NPAS3: variants seen among roughly 807,000 people sequenced by gnomAD.
NPAS3 encodes neuronal PAS domain-containing protein 3.
A neutral mutation model predicts 73.1 loss-of-function variants in NPAS3; 14 were observed. The ratio of observed to expected loss-of-function variants is 0.19; its 90% CI spans 0.13 to 0.30. The LOEUF is 0.30. Ranked by LOEUF, NPAS3 falls within the 10% of genes least tolerant of loss-of-function variation. NPAS3 has a pLI of 1.00. For synonymous variants in NPAS3, 620 were observed against 541.5 expected, an observed-to-expected ratio of 1.14 and a Z score of -2.01; for missense variants, 1,096 against 1,250.0, an observed-to-expected ratio of 0.88 and a Z score of 1.86.
chr14:33,175,640 T>G (rs1377488569), intron 2 of NPAS3, among the ~76,000 whole-genome samples: 1 of 152,206 alleles, frequency 6.6e-6, no homozygotes, highest in South Asian at 2.1e-4. Context: ...CAATACATGC[T>G]GGTATGTTCA....
intron 4 of NPAS3, among the ~76,000 whole-genome samples, chr14:33,434,876 C>G (rs375505100): frequency 6.6e-6 from 1 of 152,104 alleles, no homozygotes; most frequent in Non-Finnish European, 1.5e-5. Flanking sequence ...GCTAGACTTG[C>G]ACTGGGAGGA....
At chr14:33,473,090 A>G (rs370835256) in intron 4 of NPAS3, among the ~76,000 whole-genome samples, 4 of 152,286 alleles carry the variant, frequency 2.6e-5, no homozygotes, top group Middle Eastern at 3.4e-3. Flanking sequence ...TTCGCAGAGT[A>G]AAAGAGAGAT....
chr14:33,636,637 C>T (rs1466637756), intron 5 of NPAS3, among the ~76,000 whole-genome samples: 1 of 152,150 alleles, frequency 6.6e-6, no homozygotes, highest in Non-Finnish European at 1.5e-5. Flanking sequence ...TGCCAGAAAT[C>T]ATAAAGCATG....
At chr14:33,248,387 T>C (rs1441610658) in intron 3 of NPAS3, among the ~76,000 whole-genome samples, 2 of 152,240 alleles carry the variant, frequency 1.3e-5, no homozygotes, top group African/African-American at 4.8e-5. Context: ...AGCAGAGAGA[T>C]TTAAAATTGA....
chr14:33,797,330 T>G (rs886723718), intron 10 of NPAS3, 127 bp from the exon 11 acceptor site: 2 of 1,033,210 alleles, frequency 1.9e-6, no homozygotes, highest in Admixed American at 4.9e-5. Flanking sequence ...GAGAAATGAT[T>G]TCATGTTTAG....
At chr14:33,349,988 A>G (rs2044955405) in intron 3 of NPAS3, among the ~76,000 whole-genome samples, 1 of 152,260 alleles carries the variant, frequency 6.6e-6, no homozygotes, top group South Asian at 2.1e-4. Flanking sequence ...GCTGGAGAGC[A>G]CGAAGCCAGT....
chr14:33,220,979 A>T (rs2047402400), intron 3 of NPAS3, among the ~76,000 whole-genome samples: 1 of 152,176 alleles, frequency 6.6e-6, no homozygotes, highest in South Asian at 2.1e-4. Context: ...CAATCACAAC[A>T]TCTAAGTGGC....
chr14:33,033,459 A>G (rs2040064013), intron 1 of NPAS3, among the ~76,000 whole-genome samples: 1 of 152,144 alleles, frequency 6.6e-6, no homozygotes, highest in Non-Finnish European at 1.5e-5. Context: ...AGCCTGGGCA[A>G]CAGAGTGAGA....
intron 4 of NPAS3, among the ~76,000 whole-genome samples, chr14:33,386,125 A>G (rs2046766537): frequency 6.6e-6 from 1 of 151,836 alleles, no homozygotes; most frequent in African/African-American, 2.4e-5. Context: ...GGACCAAATA[A>G]TTTTAGATGG....
At chr14:33,741,558 C>T (rs772725121) in intron 7 of NPAS3, among the ~76,000 whole-genome samples, 2 of 152,154 alleles carry the variant, frequency 1.3e-5, no homozygotes, top group African/African-American at 4.8e-5. Context: ...TCCATTACAA[C>T]GTGGTTTCCA....
At chr14:32,982,568 A>C (rs530393619) in intron 1 of NPAS3, among the ~76,000 whole-genome samples, 69 of 152,218 alleles carry the variant, frequency 4.5e-4, no homozygotes, top group Middle Eastern at 3.4e-3. Context: ...AAAAATCTCT[A>C]TCTGCACTAC....
intron 3 of NPAS3, among the ~76,000 whole-genome samples, chr14:33,302,199 G>A (rs911358373): frequency 6.6e-6 from 1 of 152,198 alleles, no homozygotes; most frequent in African/African-American, 2.4e-5. Context: ...CAACTTGTAT[G>A]TAGATGGACT....
At chr14:33,544,252 C>T (rs1284874313) in intron 4 of NPAS3, among the ~76,000 whole-genome samples, 7 of 151,966 alleles carry the variant, frequency 4.6e-5, no homozygotes, top group East Asian at 3.9e-4. Flanking sequence ...AAGCATTCCT[C>T]GTACCTTGGC....
intron 5 of NPAS3, among the ~76,000 whole-genome samples, chr14:33,584,349 G>T (rs2056784883): frequency 6.6e-6 from 1 of 151,694 alleles, no homozygotes; most frequent in African/African-American, 2.4e-5. Flanking sequence ...CTGCCAAAAG[G>T]GTCCAGAGTA....
intron 2 of NPAS3, among the ~76,000 whole-genome samples, chr14:33,084,705 C>T (rs113400649): frequency 6.6e-6 from 1 of 151,988 alleles, no homozygotes; most frequent in East Asian, 1.9e-4. Flanking sequence ...GAGGGGAGAC[C>T]CTTGAGGTTA....
intron 1 of NPAS3, among the ~76,000 whole-genome samples, chr14:33,043,538 G>A (rs529010347): frequency 6.6e-6 from 1 of 152,250 alleles, no homozygotes; most frequent in Admixed American, 6.5e-5. Context: ...TGAGGAAGCA[G>A]ATTCTCCAGA....
At chr14:33,518,897 C>T (rs1030404806) in intron 4 of NPAS3, among the ~76,000 whole-genome samples, 27 of 152,104 alleles carry the variant, frequency 1.8e-4, no homozygotes, top group Non-Finnish European at 3.7e-4. Flanking sequence ...TTGTTATTTT[C>T]AGGGTCTAGC....
chr14:33,368,375 C>G (rs2045935888), intron 4 of NPAS3, among the ~76,000 whole-genome samples: 1 of 151,700 alleles, frequency 6.6e-6, no homozygotes, highest in South Asian at 2.1e-4. Flanking sequence ...AAAGCAGTGT[C>G]TTTACTGGCA....
At chr14:33,707,406 G>T (rs1336063252) in intron 6 of NPAS3, among the ~76,000 whole-genome samples, 1 of 151,872 alleles carries the variant, frequency 6.6e-6, no homozygotes, top group African/African-American at 2.4e-5. Context: ...TGTACTCAGC[G>T]CTGTGCAAGA....
Sources: allele counts gnomAD v4.1 joint callset (sites outside exome capture counted in the v4.1 genomes callset), GRCh38; gene constraint gnomAD v4.1.1; transcripts MANE v1.5; gene names NCBI Gene and HGNC (gene_info 2026-07-23, HGNC 2026-07-21).